Variants in GIP observed in about 807,000 individuals in gnomAD.
The protein encoded by GIP is glucose-dependent insulinotropic polypeptide.
Under a neutral mutation model 18.1 loss-of-function variants are expected in GIP, and 16 were observed. The observed-to-expected ratio is 0.88, with a 90% confidence interval of 0.60 to 1.34. GIP has a LOEUF of 1.34. Ranked by LOEUF, GIP falls within the 40% of genes most tolerant of loss-of-function variation. GIP has a pLI of 0.00. For synonymous variants in GIP, 76 were observed against 74.0 expected, an observed-to-expected ratio of 1.03 and a Z score of -0.14; for missense variants, 192 against 183.4, an observed-to-expected ratio of 1.05 and a Z score of -0.27.
At chr17:48,965,138 C>CA (rs33956589) in intron 2 of GIP, among the ~76,000 whole-genome samples, 61,875 of 110,454 alleles carry the variant, frequency 0.56, 20,506 homozygotes, top group East Asian at 0.79. Context: ...GACTCCGTCT[C>CA]AAAAAAAAAA....
chr17:48,963,494 GAAA>G (rs34922855), intron 3 of GIP, among the ~76,000 whole-genome samples: 2 of 129,524 alleles, frequency 1.5e-5, no homozygotes, highest in Admixed American at 7.9e-5. Flanking sequence ...TGTCTCTACT[GAAA>G]AAAAAAAAAA....
intron 2 of GIP, among the ~76,000 whole-genome samples, chr17:48,965,874 CTTA>C (rs2041233387): frequency 6.6e-6 from 1 of 152,094 alleles, no homozygotes; most frequent in East Asian, 1.9e-4. Context: ...CAGAGATTAC[CTTA>C]TTATTGTCTT....
Position 48,961,753 on chromosome 17 carries a change from C to T in GIP, c.324G>A (p.Lys108=). ...TCTGTGGCTCCACTGCCTCCTCCTC[C>T]TTCCTATTAGCTTGACTGGCCAGCT... ...ALELASQANR[K]EEEAVEPQSS... Residue 108 remains lysine, a synonymous_variant, in exon 4 of 6, where the codon AAG becomes AAA. Transcript: ENST00000357424. 6.2e-7 allele frequency: 1 copy of T among 1,612,208 alleles called. No homozygotes were observed.
intron 3 of GIP, among the ~76,000 whole-genome samples, chr17:48,962,195 G>A (rs931291830): frequency 3.9e-5 from 6 of 152,010 alleles, no homozygotes; most frequent in African/African-American, 9.7e-5. Flanking sequence ...TCAGCCTCCC[G>A]AGTAGCTGAA....
At chr17:48,964,909 G>A (rs1479923878) in intron 2 of GIP, among the ~76,000 whole-genome samples, 1 of 152,090 alleles carries the variant, frequency 6.6e-6, no homozygotes, top group Non-Finnish European at 1.5e-5. Context: ...GGAGGCTGAG[G>A]CGGGCGGATT....
chr17:48,967,293 C>G lies in GIP; in HGVS notation c.-21-40G>C, dbSNP rs2041240281. 3.7e-6 allele frequency: 5 copies of G among 1,338,016 alleles called. No individual in the cohort carries two copies. The South Asian group carries it at 5.9e-5, about 16-fold the overall frequency. The allele number at this position is 1,338,016 out of a possible 1,614,324, so 82.9% of individuals were successfully genotyped here. A position where few individuals can be genotyped will look rare whatever the true frequency, so the allele number is the denominator to read the frequency against. On this transcript the variant is annotated intron_variant, in intron 1 of 5. Transcript: ENST00000357424. The stretch of plus-strand genomic sequence containing the variant: ...AGCCAGGACATGTTGAGAGAGCAAC[C>G]AGTAGGGGTTCTGAAAGCTGGAGAG...
intron 5 of GIP, 114 bp from the exon 6 acceptor site, chr17:48,958,830 T>A: frequency 2.9e-6 from 2 of 689,172 alleles, no homozygotes; most frequent in Non-Finnish European, 2.5e-6. Context: ...ATCACCTTTT[T>A]AAATATTTTA....
In GIP at chr17:48,960,927, C is replaced by T. The variant is rs763202556; in HGVS notation, c.411G>A (p.Leu137=). Reference sequence around the variant, plus strand: ...TTGTCTGATCCAGCAAGCAGGCCAACAGCTCTTGAATCAGCAAGTCCCGCA... The same window carrying T: ...TTGTCTGATCCAGCAAGCAGGCCAATAGCTCTTGAATCAGCAAGTCCCGCA... ...DLLRDLLIQE[L]LACLLDQTNL... The change falls in exon 5 of 6, where the codon CTG becomes CTA. Residue 137 remains leucine, a synonymous_variant. Transcript: ENST00000357424. 1.4e-5 allele frequency: 22 copies of T among 1,608,676 alleles called. No homozygotes were observed. In the Admixed American group the frequency reaches 3.7e-4, roughly 27 times the overall value.
At chr17:48,963,708 C>T (rs1032576119) in intron 3 of GIP, among the ~76,000 whole-genome samples, 2 of 151,424 alleles carry the variant, frequency 1.3e-5, no homozygotes, top group Non-Finnish European at 2.9e-5. Flanking sequence ...GTGGCACATG[C>T]CTGTAATCCT....
chr17:48,967,004 C>G, intron 2 of GIP, 143 bp downstream of exon 2: 1 of 630,392 alleles, frequency 1.6e-6, no homozygotes, highest in East Asian at 2.8e-5. Flanking sequence ...TTTGCACTCA[C>G]GCTGCCGGCA....
intron 1 of GIP, among the ~76,000 whole-genome samples, chr17:48,967,593 T>C (rs913376145): frequency 6.6e-6 from 1 of 151,050 alleles, no homozygotes. Context: ...CTCCTGACCT[T>C]GTGATCTGCC....
At chr17:48,962,782 C>T (rs1307018291) in intron 3 of GIP, among the ~76,000 whole-genome samples, 1 of 152,056 alleles carries the variant, frequency 6.6e-6, no homozygotes, top group Non-Finnish European at 1.5e-5. Context: ...CTCTGAGCTC[C>T]CATACATCTT....
intron 3 of GIP, among the ~76,000 whole-genome samples, chr17:48,963,915 G>A (rs972620789): frequency 6.7e-6 from 1 of 148,880 alleles, no homozygotes; most frequent in African/African-American, 2.5e-5. Flanking sequence ...CAGCACTTGG[G>A]AGGCCGAGGC....
intron 2 of GIP, among the ~76,000 whole-genome samples, chr17:48,964,716 C>T (rs1282425160): frequency 6.6e-6 from 1 of 152,162 alleles, no homozygotes; most frequent in Non-Finnish European, 1.5e-5. Context: ...GATCACGGGG[C>T]CAGGGGCGGT....
At chr17:48,962,718 C>T (rs2041207463) in intron 3 of GIP, among the ~76,000 whole-genome samples, 1 of 152,172 alleles carries the variant, frequency 6.6e-6, no homozygotes. Flanking sequence ...AGCAAGCAGT[C>T]ATTAGAAGGA....
At chr17:48,963,841 C>CAAAAAAAAAAAAAA (rs60257330) in intron 3 of GIP, among the ~76,000 whole-genome samples, 1 of 35,870 alleles carries the variant, frequency 2.8e-5, no homozygotes, top group African/African-American at 1.7e-4. Context: ...AACTCTGTCT[C>CAAAAAAAAAAAAAA]AAAAAAAAAA....
At chr17:48,967,658 A>C (rs527249136) in intron 1 of GIP, among the ~76,000 whole-genome samples, 1 of 150,504 alleles carries the variant, frequency 6.6e-6, no homozygotes, top group Non-Finnish European at 1.5e-5. Flanking sequence ...GCGCCTTGCC[A>C]GTTTGGACCT....
intron 2 of GIP, among the ~76,000 whole-genome samples, chr17:48,966,771 A>C (rs1392483662): frequency 2.6e-5 from 4 of 151,990 alleles, no homozygotes; most frequent in Non-Finnish European, 4.4e-5. Context: ...ACGCCACTGC[A>C]CTCCAGCCTG....
rs373463635 is a variant in GIP, at chr17:48,961,788, G to A, written c.289C>T (p.Arg97Trp). 2.9e-5 allele frequency: 46 copies of A among 1,612,752 alleles called. No homozygotes were observed. Among genetic ancestry groups the A allele is most frequent in the Non-Finnish European group, 3.7e-5 (44 of 1,179,694 alleles). ...GCTTGACTGGCCAGCTCCAGCGCCCGAGCCTCCCTCTGGGTGATGTTGTGT... is the reference window on the plus strand; with the variant it reads ...GCTTGACTGGCCAGCTCCAGCGCCCAAGCCTCCCTCTGGGTGATGTTGTGT... The part of the protein sequence containing the change: ...WKHNITQREA[R>W]ALELASQANR... The change falls in exon 4 of 6, where the codon CGG becomes TGG. Residue 97 changes from arginine (R) to tryptophan (W), a missense_variant. Coordinates refer to ENST00000357424, the MANE Select transcript of GIP (RefSeq NM_004123.3).
Sources: allele counts gnomAD v4.1 joint callset (sites outside exome capture counted in the v4.1 genomes callset), GRCh38; gene constraint gnomAD v4.1.1; transcripts MANE v1.5; gene names NCBI Gene and HGNC (gene_info 2026-07-23, HGNC 2026-07-21).